The following ZFHX3 variants were observed in gnomAD, a reference collection of about 807,000 sequenced individuals.
ZFHX3 encodes zinc finger homeobox protein 3.
A neutral mutation model predicts 279.1 loss-of-function variants in ZFHX3; 42 were observed. The ratio of observed to expected loss-of-function variants is 0.15; its 90% CI spans 0.12 to 0.19. The LOEUF (loss-of-function observed/expected upper bound fraction) is 0.19, where lower values mean the gene tolerates loss of function less well. Among genes scored for constraint, ZFHX3 ranks in the 10% least tolerant of loss-of-function variants. ZFHX3 has a pLI of 1.00. For synonymous variants in ZFHX3, 2,293 were observed against 1,957.8 expected (o/e 1.17, Z -4.52); for missense variants, 4,981 against 4,754.0 (o/e 1.05, Z -1.40).
At position 72,938,493 on chromosome 16, in the gene ZFHX3, C is replaced by T. The variant is rs74595584; in HGVS notation, c.3216+11976G>A. Among the ~76,000 whole-genome samples, 733 of 152,292 alleles carry T rather than the reference C, an allele frequency of 4.8e-3. 2 individuals are homozygous for T. Among genetic ancestry groups the T allele is most frequent in the African/African-American group, 0.017 (697 of 41,546 alleles). ...AGGCCAGGAAAAGAAGACAGGCGTC[C>T]GAATGTGTTTGCGGGAGGCAGCGGG... On this transcript the variant is annotated intron_variant, in intron 3 of 9. Coordinates refer to ENST00000268489, the MANE Select transcript of ZFHX3 (RefSeq NM_006885.4).
At chr16:73,744,074 G>A (rs1343286786) in intron 1 of ZFHX3, among the ~76,000 whole-genome samples, 1 of 152,152 alleles carries the variant, frequency 6.6e-6, no homozygotes, top group Non-Finnish European at 1.5e-5. Context: ...TGCATGTGAT[G>A]CCAACTCAGC....
chr16:73,331,499 C>A (rs2015803762), intron 3 of ZFHX3, among the ~76,000 whole-genome samples: 1 of 152,182 alleles, frequency 6.6e-6, no homozygotes, highest in South Asian at 2.1e-4. Context: ...GTCCTTTGTT[C>A]TTCTGTTGCC....
At chr16:73,691,100 G>T (rs565690632) in intron 1 of ZFHX3, among the ~76,000 whole-genome samples, 17 of 152,276 alleles carry the variant, frequency 1.1e-4, no homozygotes, top group Admixed American at 8.5e-4. Flanking sequence ...ATTACACAGG[G>T]TCTCTTGGTT....
intron 1 of ZFHX3, among the ~76,000 whole-genome samples, chr16:73,716,900 A>AT (rs1012121231): frequency 1.2e-4 from 18 of 151,870 alleles, no homozygotes; most frequent in African/African-American, 3.9e-4. Flanking sequence ...CCCCGTCATT[A>AT]TTTTTTTTCA....
chr16:73,307,050 G>A (rs2015198720), intron 4 of ZFHX3, among the ~76,000 whole-genome samples: 1 of 152,208 alleles, frequency 6.6e-6, no homozygotes, highest in Admixed American at 6.5e-5. Context: ...GAGGTGATAA[G>A]ATCACTGACA....
intron 3 of ZFHX3, among the ~76,000 whole-genome samples, chr16:73,361,566 A>G (rs1363747483): frequency 1.3e-5 from 2 of 152,252 alleles, no homozygotes; most frequent in Non-Finnish European, 2.9e-5. Context: ...ATAATTTTCA[A>G]TTACACAAAA....
chr16:73,416,139 C>A lies in ZFHX3; in HGVS notation c.-1291+39864G>T, dbSNP rs866082778. On this transcript the variant is annotated intron_variant, in intron 3 of 17. Transcript: ENST00000641206. ...CTCCATCTCAAAAAAAAAAAAAAAA[C>A]AAAAAACGGAAAACAAACAAACAAA... Among the ~76,000 whole-genome samples, 1,112 of 132,572 alleles carry A rather than the reference C, an allele frequency of 8.4e-3. 20 individuals carry two copies. Among genetic ancestry groups the A allele is most frequent in the African/African-American group, 0.029 (956 of 32,872 alleles). The allele number at this position is 132,572 out of a possible 152,430, so 87.0% of individuals were successfully genotyped here.
chr16:73,245,145 C>T (rs1247972986), intron 5 of ZFHX3, among the ~76,000 whole-genome samples: 1 of 152,202 alleles, frequency 6.6e-6, no homozygotes, highest in Non-Finnish European at 1.5e-5. Flanking sequence ...TCCCCCAAAA[C>T]TCATAGCAGT....
At chr16:72,872,034 G>A (rs1158888632) in intron 4 of ZFHX3, among the ~76,000 whole-genome samples, 2 of 151,814 alleles carry the variant, frequency 1.3e-5, no homozygotes, top group Non-Finnish European at 2.9e-5. Flanking sequence ...GCAGTTAGCC[G>A]AGATCCTGCC....
At chr16:73,057,806 G>C (rs570627166) in intron 1 of ZFHX3, among the ~76,000 whole-genome samples, 3,309 of 150,946 alleles carry the variant, frequency 0.022, 116 homozygotes, top group African/African-American at 0.074. Flanking sequence ...GGCTCCGAAC[G>C]GGCTCCCGCG....
At chr16:73,757,415 T>C (rs1049913303) in intron 1 of ZFHX3, among the ~76,000 whole-genome samples, 2 of 152,238 alleles carry the variant, frequency 1.3e-5, no homozygotes, top group African/African-American at 4.8e-5. Flanking sequence ...CAGCTGTGGA[T>C]GTCAGTACTG....
intron 2 of ZFHX3, among the ~76,000 whole-genome samples, chr16:73,472,815 T>A (rs1235152154): frequency 6.6e-6 from 1 of 152,110 alleles, no homozygotes; most frequent in Non-Finnish European, 1.5e-5. Context: ...GCACACCACC[T>A]CTCTCCCTCA....
Position 73,525,319 on chromosome 16 carries a change from C to T in ZFHX3, c.-1546-69061G>A, listed in dbSNP as rs1447996390. Among the ~76,000 whole-genome samples, 3 of 152,264 alleles carry T rather than the reference C, an allele frequency of 2.0e-5. No homozygotes were observed. The East Asian group carries it at 5.8e-4, about 29-fold the overall frequency. The stretch of plus-strand genomic sequence containing the variant: ...TTTATAAAGCTTTCCACACAAAATC[C>T]AGTAACATGTAGCTTAAAAGTAGAT... On this transcript the variant is annotated intron_variant, in intron 2 of 17. Coordinates refer to the ZFHX3 transcript ENST00000641206.
intron 1 of ZFHX3, among the ~76,000 whole-genome samples, chr16:73,683,939 A>T (rs972438326): frequency 2.0e-5 from 3 of 152,234 alleles, no homozygotes; most frequent in Non-Finnish European, 2.9e-5. Context: ...AGTCTGTGCC[A>T]AACTACTCAA....
At chr16:73,134,681 C>T (rs1024351426) in intron 6 of ZFHX3, 6 of 151,854 alleles carry the variant, frequency 4.0e-5, no homozygotes, top group African/African-American at 1.5e-4. Context: ...GAGACAGTAC[C>T]CACTGTGGGA....
intron 1 of ZFHX3, among the ~76,000 whole-genome samples, chr16:73,055,815 G>C (rs1386841053): frequency 7.0e-6 from 1 of 142,494 alleles, no homozygotes; most frequent in Non-Finnish European, 1.5e-5. Flanking sequence ...AACTCTCTTT[G>C]CGGGCCCCCC....
chr16:73,677,557 C>CA (rs1389111545), intron 2 of ZFHX3, among the ~76,000 whole-genome samples: 2 of 151,274 alleles, frequency 1.3e-5, no homozygotes, highest in South Asian at 2.1e-4. Flanking sequence ...TAGCTAATCA[C>CA]AAAAAAAGAT....
chr16:73,682,991 A>AAAAAGAAAGAAAGAAAG, intron 1 of ZFHX3, among the ~76,000 whole-genome samples: 1 of 42,378 alleles, frequency 2.4e-5, no homozygotes, highest in African/African-American at 7.6e-5. Flanking sequence ...AGAAAGAAAG[A>AAAAAGAAAGAAAGAAAG]AAAGAAAGAA....
intron 1 of ZFHX3, among the ~76,000 whole-genome samples, chr16:73,724,413 T>A (rs1406476158): frequency 6.6e-6 from 1 of 152,226 alleles, no homozygotes; most frequent in Non-Finnish European, 1.5e-5. Flanking sequence ...GGGAGATATT[T>A]TTTTACAAAG....
Sources: gnomAD v4.1 joint callset for allele counts (sites outside exome capture counted in the v4.1 genomes callset) on GRCh38, gnomAD v4.1.1 for gene constraint, MANE v1.5 for transcripts, NCBI Gene and HGNC (gene_info 2026-07-23, HGNC 2026-07-21) for gene names.